Variants in TULP4 observed in about 807,000 individuals in gnomAD.
TULP4 encodes the protein TUB like protein 4, also known as tubby-related protein 4.
In TULP4, 16 loss-of-function variants were observed where a neutral mutation model predicts 129.0. The observed-to-expected ratio is 0.12, with a 90% CI of 0.08 to 0.19. The LOEUF is 0.19. Among genes scored for constraint, TULP4 ranks in the 10% least tolerant of loss-of-function variants. The probability of loss-of-function intolerance (pLI) is 1.00; values close to 1 mark genes in which losing one functional copy is unlikely to be tolerated. For synonymous variants in TULP4, 998 were observed against 854.0 expected (o/e 1.17, Z -2.94); for missense variants, 1,842 against 2,059.1 (o/e 0.89, Z 2.04).
intron 1 of TULP4, among the ~76,000 whole-genome samples, chr6:158,328,562 A>C (rs550727114): frequency 1.3e-5 from 2 of 152,130 alleles, no homozygotes; most frequent in Non-Finnish European, 2.9e-5. Context: ...GCCTAGTTAC[A>C]TCTCATATGG....
intron 1 of TULP4, among the ~76,000 whole-genome samples, chr6:158,287,974 A>T (rs929787604): frequency 3.9e-5 from 6 of 152,276 alleles, no homozygotes; most frequent in South Asian, 2.1e-4. Context: ...CCACTGGCAA[A>T]ACGGGTGAAT....
intron 1 of TULP4, among the ~76,000 whole-genome samples, chr6:158,238,936 T>C (rs755338280): frequency 0.039 from 5,212 of 134,584 alleles, 151 homozygotes; most frequent in South Asian, 0.067. Flanking sequence ...CTCAATGAGC[T>C]GTTGGGCACA....
chr6:158,435,751 C>T (rs341112), intron 3 of TULP4, among the ~76,000 whole-genome samples: 36,264 of 151,952 alleles, frequency 0.24, 5,581 homozygotes, highest in Middle Eastern at 0.34. Flanking sequence ...TCCGGATAGA[C>T]GTAGACGTTG....
intron 1 of TULP4, chr6:158,242,317 C>A: frequency 6.4e-7 from 1 of 1,556,684 alleles, no homozygotes; most frequent in Non-Finnish European, 8.8e-7. Flanking sequence ...TCTTGGAAGC[C>A]CAGGCTCTCT....
chr6:158,384,832 A>C (rs1293289517), intron 1 of TULP4, among the ~76,000 whole-genome samples: 1 of 152,184 alleles, frequency 6.6e-6, no homozygotes, highest in African/African-American at 2.4e-5. Context: ...TGGGACAAGG[A>C]GATTGTTGGT....
At chr6:158,289,463 A>T (rs572146864) in intron 1 of TULP4, among the ~76,000 whole-genome samples, 7 of 151,986 alleles carry the variant, frequency 4.6e-5, no homozygotes, top group Admixed American at 4.6e-4. Context: ...TACTTTTCTA[A>T]CTTCTTTAAG....
chr6:158,355,850 A>G (rs916231473), intron 1 of TULP4, among the ~76,000 whole-genome samples: 11 of 152,234 alleles, frequency 7.2e-5, no homozygotes, highest in African/African-American at 2.7e-4. Context: ...AACAACATGG[A>G]TTAATCTCAA....
intron 1 of TULP4, among the ~76,000 whole-genome samples, chr6:158,257,501 C>T (rs986004336): frequency 1.2e-4 from 19 of 152,140 alleles, no homozygotes; most frequent in African/African-American, 4.1e-4. Flanking sequence ...GTTGTGCAGC[C>T]GCCATGGTGT....
At chr6:158,280,950 AGAAAT>A (rs1778738082), upstream of TULP4, among the ~76,000 whole-genome samples, 2 of 152,234 alleles carry the variant, frequency 1.3e-5, no homozygotes, top group Admixed American at 6.5e-5. Flanking sequence ...TTATTTAAAA[AGAAAT>A]GAATAGCAGA....
chr6:158,253,242 G>C (rs1041659644), intron 1 of TULP4, among the ~76,000 whole-genome samples: 3 of 152,206 alleles, frequency 2.0e-5, no homozygotes, highest in African/African-American at 7.2e-5. Flanking sequence ...CTCACTGTGA[G>C]GAAGAATGTA....
At chr6:158,398,419 C>T (rs1777768283) in intron 1 of TULP4, 1 of 152,294 alleles carries the variant, frequency 6.6e-6, no homozygotes, top group Non-Finnish European at 1.5e-5. Context: ...TCCTCACCCA[C>T]CCACTGTGAT....
chr6:158,302,589 G>T (rs956369885), intron 1 of TULP4, among the ~76,000 whole-genome samples: 1 of 152,096 alleles, frequency 6.6e-6, no homozygotes, highest in Non-Finnish European at 1.5e-5. Context: ...TTGAGAGAGC[G>T]GCCGCTGCTC....
At chr6:158,486,446 A>G (rs1038029018) in intron 8 of TULP4, among the ~76,000 whole-genome samples, 10 of 152,094 alleles carry the variant, frequency 6.6e-5, no homozygotes, top group Non-Finnish European at 1.0e-4. Context: ...CCAGCTACTC[A>G]GGAGGCTGAG....
At chr6:158,278,387 GTT>G (rs778202071), upstream of TULP4, among the ~76,000 whole-genome samples, 6 of 140,378 alleles carry the variant, frequency 4.3e-5, no homozygotes, top group Admixed American at 7.2e-5. Context: ...GAAAATACTA[GTT>G]TTTTTTTTTT....
chr6:158,374,783 G>C (rs147986259), intron 1 of TULP4, among the ~76,000 whole-genome samples: 1 of 152,310 alleles, frequency 6.6e-6, no homozygotes, highest in Non-Finnish European at 1.5e-5. Context: ...ATTTACTCAT[G>C]AATGGTACCT....
intron 1 of TULP4, among the ~76,000 whole-genome samples, chr6:158,378,485 T>TTTTTTTGTTGG (rs1554285635): frequency 1.9e-5 from 1 of 51,288 alleles, no homozygotes; most frequent in African/African-American, 7.7e-5. Context: ...TTTTTTTTTT[T>TTTTTTTGTTGG]GGTGGGGGTG....
intron 1 of TULP4, among the ~76,000 whole-genome samples, chr6:158,332,232 TTGAAAAGAGAGAAACAGTA>T (rs1779927693): frequency 7.6e-6 from 1 of 131,304 alleles, no homozygotes; most frequent in African/African-American, 2.9e-5. Context: ...TATATATAAA[TTGAAAAGAGAGAAACAGTA>T]AGATATAAAG....
At position 158,461,570 on chromosome 6, in the gene TULP4, A is replaced by G. The variant is rs1562576243; in HGVS notation, c.867A>G (p.Val289=). 6.2e-7 allele frequency: 1 copy of G among 1,613,154 alleles called. No individual in the cohort carries two copies. Among genetic ancestry groups the G allele is most frequent in the Non-Finnish European group, 8.5e-7 (1 of 1,179,674 alleles). ...TVIRSGLKEV[V]AQWCTQGDLL... is the part of the protein sequence containing the mutation. ...CTCTCTCCTCTGTTTCAGAGGTGGT[A>G]GCCCAGTGGTGCACACAGGGGGACT... is the stretch of plus-strand genomic sequence containing the variant. Residue 289 remains valine (V), a synonymous_variant, in exon 6 of 14, where the codon GTA becomes GTG. Coordinates refer to ENST00000367097, the MANE Select transcript of TULP4 (RefSeq NM_020245.5).
At chr6:158,317,023 A>C (rs753135573) in intron 1 of TULP4, among the ~76,000 whole-genome samples, 2 of 151,780 alleles carry the variant, frequency 1.3e-5, no homozygotes, top group Non-Finnish European at 2.9e-5. Context: ...GCTCACCTCC[A>C]CTCCTGGGGA....
Sources: gnomAD v4.1 joint callset for allele counts (sites outside exome capture counted in the v4.1 genomes callset) on GRCh38, gnomAD v4.1.1 for gene constraint, MANE v1.5 for transcripts, NCBI Gene and HGNC (gene_info 2026-07-23, HGNC 2026-07-21) for gene names.